Variants in FAT3 observed in about 807,000 individuals in gnomAD.
The protein encoded by FAT3 is FAT atypical cadherin 3, also known as protocadherin Fat 3.
A neutral mutation model predicts 310.2 loss-of-function variants in FAT3; 95 were observed. That is an observed-to-expected ratio of 0.31 (90% confidence interval 0.26 to 0.36). FAT3 has a LOEUF of 0.36. Among genes scored for constraint, FAT3 ranks in the 10% least tolerant of loss-of-function variants. The probability of loss-of-function intolerance (pLI) is 1.00; values close to 1 mark genes in which losing one functional copy is unlikely to be tolerated. For missense variants in FAT3, 5,408 were observed against 5,715.6 expected, an observed-to-expected ratio of 0.95 and a Z score of 1.74; for synonymous variants, 2,314 against 2,192.9, an observed-to-expected ratio of 1.06 and a Z score of -1.54.
intron 3 of FAT3, among the ~76,000 whole-genome samples, chr11:92,550,090 G>GA (rs1322362821): frequency 1.3e-5 from 2 of 152,080 alleles, no homozygotes; most frequent in Non-Finnish European, 2.9e-5. Context: ...CCTGAAAAGG[G>GA]AAAAACTTTC....
rs185889919 is a variant in FAT3, at chr11:92,487,354, A to G, written c.3293-37280A>G. Reference sequence around the variant, plus strand: ...GCTATTACTATTCTAGATATCAGAGAAAAAGTTATAATCTTCTGAAAAGCA... The same window carrying G: ...GCTATTACTATTCTAGATATCAGAGGAAAAGTTATAATCTTCTGAAAAGCA... On this transcript the variant is annotated intron_variant, in intron 2 of 27. Transcript: ENST00000525166. Among the ~76,000 whole-genome samples, 5 of 152,308 alleles carry G rather than the reference A, an allele frequency of 3.3e-5. No homozygotes were observed. In the East Asian group the frequency reaches 5.8e-4, roughly 18 times the overall value.
intron 1 of FAT3, among the ~76,000 whole-genome samples, chr11:92,260,304 C>G (rs188864971): frequency 1.3e-5 from 2 of 151,998 alleles, no homozygotes; most frequent in Non-Finnish European, 2.9e-5. Flanking sequence ...AACCCAAACT[C>G]GTATTTCTCT....
intron 27 of FAT3, among the ~76,000 whole-genome samples, chr11:92,890,176 G>A (rs1257189336): frequency 6.6e-6 from 1 of 152,218 alleles, no homozygotes; most frequent in East Asian, 1.9e-4. Flanking sequence ...CTCTGCAATA[G>A]CATGTGTCTA....
At chr11:92,790,851 C>T (rs750759021) in intron 8 of FAT3, among the ~76,000 whole-genome samples, 4 of 152,228 alleles carry the variant, frequency 2.6e-5, no homozygotes, top group Non-Finnish European at 4.4e-5. Context: ...TGAGAAACAT[C>T]GTTGATTAAT....
At chr11:92,408,780 G>A (rs1219479666) in intron 2 of FAT3, among the ~76,000 whole-genome samples, 1 of 152,130 alleles carries the variant, frequency 6.6e-6, no homozygotes, top group African/African-American at 2.4e-5. Context: ...GAAAATGAGA[G>A]GATTAGAAAG....
chr11:92,691,971 C>G (rs1034694934), intron 3 of FAT3, among the ~76,000 whole-genome samples: 2 of 152,062 alleles, frequency 1.3e-5, no homozygotes, highest in African/African-American at 2.4e-5. Context: ...ATATTCAGTA[C>G]TCAATAAATA....
At chr11:92,584,893 C>A (rs936457252) in intron 3 of FAT3, among the ~76,000 whole-genome samples, 2 of 151,818 alleles carry the variant, frequency 1.3e-5, no homozygotes, top group African/African-American at 2.4e-5. Context: ...AGCTGGAGGG[C>A]AGTATTTTGC....
At chr11:92,722,043 C>T (rs1944876576) in intron 4 of FAT3, among the ~76,000 whole-genome samples, 1 of 151,990 alleles carries the variant, frequency 6.6e-6, no homozygotes, top group South Asian at 2.1e-4. Flanking sequence ...CCAAATCTCA[C>T]ATTTCAAAAC....
chr11:92,762,275 G>A, intron 5 of FAT3, 105 bp downstream of exon 5: 1 of 1,190,316 alleles, frequency 8.4e-7, no homozygotes, highest in South Asian at 1.6e-5. Context: ...AAAAAGTGAA[G>A]CCACACAGCT....
intron 2 of FAT3, among the ~76,000 whole-genome samples, chr11:92,420,033 G>A (rs965753028): frequency 6.6e-6 from 1 of 152,194 alleles, no homozygotes; most frequent in African/African-American, 2.4e-5. Flanking sequence ...TATTTCTGTA[G>A]GTGATTATCA....
At position 92,661,579 on chromosome 11, in the gene FAT3, G is replaced by T. The variant is rs146160692; in HGVS notation, c.3608-35805G>T. On this transcript the variant is annotated intron_variant, in intron 3 of 27. Transcript: ENST00000525166. ...TGGAGTGCTTTTTTTTTTGCATTCT[G>T]CTATAATGCACTGGTGTCTTCTTTT... Among the ~76,000 whole-genome samples the T allele has an allele frequency of 2.7e-3, 409 of 151,514 alleles. 6 individuals carry two copies. Among genetic ancestry groups the T allele is most frequent in the African/African-American group, 9.6e-3 (398 of 41,302 alleles).
intron 3 of FAT3, among the ~76,000 whole-genome samples, chr11:92,558,151 G>A (rs1955087261): frequency 6.6e-6 from 1 of 152,216 alleles, no homozygotes; most frequent in Non-Finnish European, 1.5e-5. Context: ...CCCCAGGAGA[G>A]CAGAGGGTAC....
intron 2 of FAT3, among the ~76,000 whole-genome samples, chr11:92,451,162 G>C (rs568864689): frequency 3.9e-5 from 6 of 152,280 alleles, no homozygotes; most frequent in African/African-American, 1.4e-4. Context: ...ACCTTGGAAA[G>C]AGAATTGCCT....
intron 4 of FAT3, among the ~76,000 whole-genome samples, chr11:92,705,877 GGTGGTGGTGGT>G (rs1944323436): frequency 2.9e-5 from 4 of 137,022 alleles, no homozygotes; most frequent in African/African-American, 1.1e-4. Flanking sequence ...GTGTGATGGT[GGTGGTGGTGGT>G]GTGATGGTGG....
intron 19 of FAT3, among the ~76,000 whole-genome samples, chr11:92,848,285 G>A (rs1158443077): frequency 1.3e-5 from 2 of 152,168 alleles, no homozygotes; most frequent in African/African-American, 4.8e-5. Context: ...TTAGACTCCA[G>A]CTACAAACAA....
Position 92,882,964 on chromosome 11 carries a change from GT to G in FAT3, c.12510del (p.Leu4171SerfsTer3). On this transcript the variant is annotated frameshift_variant, in exon 24 of 28. Coordinates refer to ENST00000525166, the MANE Select transcript of FAT3 (RefSeq NM_001367949.2). LOFTEE classifies it high-confidence loss of function. Reference protein sequence around the residue: ...VVLFVIFILVVLFIVFRKKVF... With the variant: ...VVLFVIFILVXLFIVFRKKVF... ...CCTCTTCGTCATCTTCATCCTGGTG[GT>G]TCTCTTCATAGTCTTCCGCAAGAAG... The G allele has an allele frequency of 1.2e-6, 2 of 1,613,856 alleles. No homozygotes were observed. The highest frequency in any genetic ancestry group is 1.1e-5 in the South Asian group (1 of 91,056).
At chr11:92,428,863 G>A (rs777952906) in intron 2 of FAT3, among the ~76,000 whole-genome samples, 14 of 152,142 alleles carry the variant, frequency 9.2e-5, no homozygotes, top group Non-Finnish European at 1.6e-4. Context: ...CTGTTGATTC[G>A]GGGTGGAGAG....
intron 22 of FAT3, among the ~76,000 whole-genome samples, chr11:92,867,477 C>A (rs368837979): frequency 6.6e-6 from 1 of 152,202 alleles, no homozygotes; most frequent in Non-Finnish European, 1.5e-5. Flanking sequence ...TCTGCCCACT[C>A]CCCTGTCCAA....
At chr11:92,327,235 AT>A (rs900420736) in intron 1 of FAT3, among the ~76,000 whole-genome samples, 1 of 151,250 alleles carries the variant, frequency 6.6e-6, no homozygotes, top group Admixed American at 6.6e-5. Context: ...ATTCCCTTTT[AT>A]TTTTTTTTCT....
Sources: allele counts gnomAD v4.1 joint callset (sites outside exome capture counted in the v4.1 genomes callset), GRCh38; gene constraint gnomAD v4.1.1; transcripts MANE v1.5; gene names NCBI Gene and HGNC (gene_info 2026-07-23, HGNC 2026-07-21).